KCNIP4: variants seen among roughly 807,000 people sequenced by gnomAD.
KCNIP4 encodes Kv channel-interacting protein 4.
A neutral mutation model predicts 34.0 loss-of-function variants in KCNIP4; 12 were observed. The ratio of observed to expected loss-of-function variants is 0.35; its 90% CI spans 0.23 to 0.57. The LOEUF (loss-of-function observed/expected upper bound fraction) is 0.57, where lower values mean the gene tolerates loss of function less well. Ranked by LOEUF, KCNIP4 falls within the 20% of genes least tolerant of loss-of-function variation. KCNIP4 has a pLI of 0.83. For missense variants in KCNIP4, 238 were observed against 311.7 expected, an observed-to-expected ratio of 0.76 and a Z score of 1.78; for synonymous variants, 124 against 102.2, an observed-to-expected ratio of 1.21 and a Z score of -1.29.
intron 1 of KCNIP4, among the ~76,000 whole-genome samples, chr4:21,137,682 A>T (rs1044871032): frequency 3.9e-5 from 6 of 152,126 alleles, no homozygotes; most frequent in Admixed American, 1.3e-4. Flanking sequence ...ACTTACTACA[A>T]TAAAAACATG....
At chr4:21,862,947 TG>T (rs1332111094) in intron 1 of KCNIP4, among the ~76,000 whole-genome samples, 1 of 130,106 alleles carries the variant, frequency 7.7e-6, no homozygotes, top group Non-Finnish European at 1.6e-5. Context: ...GGTGACCGAG[TG>T]AGACTCCGTC....
Position 21,668,568 on chromosome 4 carries a change from A to G in KCNIP4, c.61+280003T>C, listed in dbSNP as rs137867681. On this transcript the variant is annotated intron_variant, in intron 1 of 8. Coordinates refer to ENST00000382152, the MANE Select transcript of KCNIP4 (RefSeq NM_025221.6). ...CAAAAATAATTAAGTACATATAATC[A>G]AGCTGCCCTCACTAAAATTATTACA... 1.8e-3 allele frequency among the ~76,000 whole-genome samples: 278 copies of G among 152,286 alleles called. 3 individuals are homozygous for G. The highest frequency in any genetic ancestry group is 6.4e-3 in the African/African-American group (265 of 41,566).
intron 3 of KCNIP4, among the ~76,000 whole-genome samples, chr4:20,814,952 G>A (rs1716198448): frequency 6.6e-6 from 1 of 152,046 alleles, no homozygotes; most frequent in South Asian, 2.1e-4. Flanking sequence ...CTGCTTCTGG[G>A]TTCCATCCCT....
chr4:20,886,424 G>T (rs1340704454), intron 1 of KCNIP4, among the ~76,000 whole-genome samples: 1 of 152,208 alleles, frequency 6.6e-6, no homozygotes, highest in Admixed American at 6.5e-5. Flanking sequence ...ATGTATGCGT[G>T]TGTATTCTGC....
intron 1 of KCNIP4, among the ~76,000 whole-genome samples, chr4:21,060,515 C>T (rs1743817491): frequency 6.6e-6 from 1 of 152,148 alleles, no homozygotes; most frequent in African/African-American, 2.4e-5. Flanking sequence ...GATAATTATT[C>T]TTTTCACAAA....
At chr4:21,478,920 C>A (rs1356309332) in intron 1 of KCNIP4, among the ~76,000 whole-genome samples, 1 of 152,094 alleles carries the variant, frequency 6.6e-6, no homozygotes, top group Non-Finnish European at 1.5e-5. Flanking sequence ...GGTTAAAATT[C>A]CAACATTTTC....
At chr4:21,270,571 G>T (rs1762080858) in intron 1 of KCNIP4, among the ~76,000 whole-genome samples, 1 of 152,136 alleles carries the variant, frequency 6.6e-6, no homozygotes, top group Non-Finnish European at 1.5e-5. Context: ...TATGTATGAA[G>T]AAATACAAAG....
intron 3 of KCNIP4, among the ~76,000 whole-genome samples, chr4:20,771,871 C>G (rs924560441): frequency 7.2e-5 from 11 of 151,966 alleles, no homozygotes; most frequent in African/African-American, 2.7e-4. Context: ...GGGGTTTCAC[C>G]GTGTTAGCCA....
chr4:21,642,363 C>A (rs1746675023), intron 1 of KCNIP4, among the ~76,000 whole-genome samples: 1 of 152,020 alleles, frequency 6.6e-6, no homozygotes, highest in South Asian at 2.1e-4. Flanking sequence ...CATCCTGTTG[C>A]TGCTGGTTTG....
chr4:21,107,274 G>T (rs1748646593), intron 1 of KCNIP4, among the ~76,000 whole-genome samples: 1 of 143,096 alleles, frequency 7.0e-6, no homozygotes, highest in African/African-American at 2.8e-5. Flanking sequence ...TTATGAATCT[G>T]GGTGCTCCTG....
chr4:21,360,794 CAT>C (rs1279259420), intron 1 of KCNIP4, among the ~76,000 whole-genome samples: 1 of 152,026 alleles, frequency 6.6e-6, no homozygotes, highest in Non-Finnish European at 1.5e-5. Context: ...CAACTTTTTA[CAT>C]TGAAATTATC....
intron 1 of KCNIP4, among the ~76,000 whole-genome samples, chr4:21,357,566 A>T (rs1189030013): frequency 2.0e-5 from 3 of 152,254 alleles, no homozygotes; most frequent in African/African-American, 7.2e-5. Flanking sequence ...ACACATGAAA[A>T]AATGCTCATC....
intron 1 of KCNIP4, among the ~76,000 whole-genome samples, chr4:21,318,194 T>C (rs1713985045): frequency 6.6e-6 from 1 of 152,204 alleles, no homozygotes; most frequent in Non-Finnish European, 1.5e-5. Context: ...AAAAGACAGG[T>C]AAAATGACAC....
chr4:21,817,252 A>C (rs1316644828), intron 1 of KCNIP4, among the ~76,000 whole-genome samples: 1 of 152,164 alleles, frequency 6.6e-6, no homozygotes, highest in Non-Finnish European at 1.5e-5. Context: ...ATTTCATTTT[A>C]ATATGGACAT....
intron 1 of KCNIP4, among the ~76,000 whole-genome samples, chr4:21,664,375 A>G (rs10049966): frequency 0.77 from 116,410 of 151,336 alleles, 45,391 homozygotes; most frequent in East Asian, 0.99. Context: ...AGAGGCAACC[A>G]AAACAAACAC....
chr4:21,301,597 C>G (rs16870748), intron 1 of KCNIP4, among the ~76,000 whole-genome samples: 14 of 151,760 alleles, frequency 9.2e-5, no homozygotes, highest in African/African-American at 3.4e-4. Context: ...AACTCTCAGG[C>G]GAAAAGAAAT....
chr4:21,929,572 T>C (rs4697248), intron 1 of KCNIP4, among the ~76,000 whole-genome samples: 56,624 of 151,990 alleles, frequency 0.37, 11,081 homozygotes, highest in African/African-American at 0.49. Context: ...ATGAGGCCAA[T>C]GCCTATAAAC....
At chr4:21,252,949 T>C (rs1444549511) in intron 1 of KCNIP4, among the ~76,000 whole-genome samples, 1 of 152,050 alleles carries the variant, frequency 6.6e-6, no homozygotes, top group Non-Finnish European at 1.5e-5. Flanking sequence ...GAGATGAGAA[T>C]AATACTTGCT....
At chr4:21,878,232 C>G (rs77681908) in intron 1 of KCNIP4, among the ~76,000 whole-genome samples, 2 of 152,048 alleles carry the variant, frequency 1.3e-5, no homozygotes, top group South Asian at 2.1e-4. Flanking sequence ...CACACCACCA[C>G]GCACAGCTAA....
Sources: gnomAD v4.1 joint callset for allele counts (sites outside exome capture counted in the v4.1 genomes callset) on GRCh38, gnomAD v4.1.1 for gene constraint, MANE v1.5 for transcripts, NCBI Gene and HGNC (gene_info 2026-07-23, HGNC 2026-07-21) for gene names.